MYH8: variants seen among roughly 807,000 people sequenced by gnomAD.
MYH8 encodes the protein myosin heavy chain 8, also known as myosin-8.
MYH8 carries 168 observed loss-of-function variants against 233.2 expected under a neutral mutation model. The ratio of observed to expected loss-of-function variants is 0.72; its 90% CI spans 0.64 to 0.82. The LOEUF (loss-of-function observed/expected upper bound fraction) is 0.82. Ranked by LOEUF, MYH8 falls within the 40% of genes least tolerant of loss-of-function variation. The pLI is 0.00. For missense variants in MYH8, 1,995 were observed against 2,327.8 expected, an observed-to-expected ratio of 0.86 and a Z score of 2.94; for synonymous variants, 785 against 850.6, an observed-to-expected ratio of 0.92 and a Z score of 1.34.
rs2072028935 is a variant in MYH8, at chr17:10,391,941, C to G, written c.5605G>C (p.Asp1869His). 5 of 1,614,178 alleles carry G rather than the reference C, an allele frequency of 3.1e-6. No individual in the cohort carries two copies. In the East Asian group the frequency reaches 1.1e-4, roughly 36 times the overall value. The change falls in exon 39 of 40, where the codon GAC (aspartate) becomes CAC (histidine). Residue 1869 changes from aspartate to histidine, a missense_variant. By Grantham distance (81) the Asp-to-His change is moderately conservative. Transcript: ENST00000403437. ...EDRKNVLRLQ[D>H]LVDKLQAKVK... is the part of the protein sequence containing the mutation. ...TTCGCCTGTAATTTATCTACCAAGT[C>G]CTGCAGCCTGAGAACATTCTTGCGA... is the stretch of plus-strand genomic sequence containing the variant.
chr17:10,413,445 A>T (rs188080468), intron 12 of MYH8, among the ~76,000 whole-genome samples: 11 of 152,122 alleles, frequency 7.2e-5, no homozygotes, highest in African/African-American at 2.7e-4. Context: ...CTTGCTGCCT[A>T]TATTGTCTAT....
At chr17:10,414,932 A>C (rs1436632904) in intron 9 of MYH8, among the ~76,000 whole-genome samples, 184 bp downstream of exon 9, 1 of 152,212 alleles carries the variant, frequency 6.6e-6, no homozygotes, top group African/African-American at 2.4e-5. Context: ...AGAATCATCA[A>C]GTCTGAGATT....
At chr17:10,392,276 C>T (rs1453546258) in intron 38 of MYH8, among the ~76,000 whole-genome samples, 1 of 151,396 alleles carries the variant, frequency 6.6e-6, no homozygotes, top group Admixed American at 6.6e-5. Flanking sequence ...GTTCAAGAAG[C>T]AAGAGAGGCC....
Position 10,398,537 on chromosome 17 carries a change from C to G in MYH8, c.4085G>C (p.Arg1362Thr), listed in dbSNP as rs1191430194. The G allele has an allele frequency of 9.9e-6, 16 of 1,614,170 alleles. No individual in the cohort carries two copies. The highest frequency in any genetic ancestry group is 1.4e-5 in the Non-Finnish European group (16 of 1,180,034). Residue 1362 changes from arginine (R) to threonine (T), a missense_variant, in exon 30 of 40, where the codon AGG (arginine) becomes ACG (threonine). Transcript: ENST00000403437. Reference protein sequence around the residue: ...EEQEGKAELQRALSKANSEVA... With the variant: ...EEQEGKAELQTALSKANSEVA... ...CTCACTGTTGGCCTTGGACAGCGCC[C>G]TCTGCAGCTCAGCTTTGCCTTCCTG...
In MYH8 at chr17:10,415,292, A is replaced by G; in HGVS notation, c.741T>C (p.Phe247=). The change falls in exon 8 of 40, where the codon TTT becomes TTC. Residue 247 remains phenylalanine, a splice_region_variant and synonymous_variant. Coordinates refer to ENST00000403437, the MANE Select transcript of MYH8 (RefSeq NM_002472.3). This position sits in a 1 kb window ranked among gnomAD's most constrained non-coding sequence, Gnocchi z 4.1. ...TAGGGGTTGAGACCAAGAGACTCAC[A>G]AAGCGAGAGGAGTTGTCATTCCTCA... ...KTVRNDNSSR[F]GKFIRIHFGT... 3 of 1,613,488 alleles carry G rather than the reference A, an allele frequency of 1.9e-6. No individual in the cohort carries two copies. The highest frequency in any genetic ancestry group is 2.5e-6 in the Non-Finnish European group (3 of 1,179,350).
chr17:10,404,322 G>C lies in MYH8; in HGVS notation c.2688+8C>G, dbSNP rs372371684. 29 of 1,613,644 alleles carry C rather than the reference G, an allele frequency of 1.8e-5. No homozygotes were observed. Among genetic ancestry groups the C allele is most frequent in the Non-Finnish European group, 2.5e-5 (29 of 1,179,762 alleles). On this transcript the variant is annotated splice_region_variant and intron_variant, in intron 22 of 39. Transcript: ENST00000403437. ...TAACATGGTGCATTCAGAATATGGA[G>C]TACTCACAGATTGAACCTGGAGTTG...
chr17:10,392,016 G>A (rs1597396153), intron 38 of MYH8, 39 bp from the exon 39 acceptor site: 2 of 1,533,114 alleles, frequency 1.3e-6, no homozygotes, highest in East Asian at 4.5e-5. Flanking sequence ...TCATTCCGAA[G>A]AGATAAGGCT....
At chr17:10,399,069 T>C (rs2072108883) in intron 28 of MYH8, among the ~76,000 whole-genome samples, 183 bp from the exon 29 acceptor site, 1 of 151,138 alleles carries the variant, frequency 6.6e-6, no homozygotes, top group East Asian at 1.9e-4. Flanking sequence ...GTGTTTCAGA[T>C]TTCAGATTTT....
chr17:10,420,143 C>A lies in MYH8; in HGVS notation c.85G>T (p.Ala29Ser), dbSNP rs2072323998. 5 of 1,614,208 alleles carry A rather than the reference C, an allele frequency of 3.1e-6. No homozygotes were observed. Among genetic ancestry groups the A allele is most frequent in the Non-Finnish European group, 4.2e-6 (5 of 1,180,050 alleles). Residue 29 changes from alanine to serine, a missense_variant, in exon 3 of 40, where the codon GCC (alanine) becomes TCC (serine). Coordinates refer to ENST00000403437, the MANE Select transcript of MYH8 (RefSeq NM_002472.3). ...TTAGCATCAAACGGCTTGTTTTGGG[C>A]CTCAATCCGCTCCTTTTCTGATTTT... ...LRKSEKERIE[A>S]QNKPFDAKTS...
rs764256012 is a variant in MYH8, at chr17:10,393,172, A to G, written c.5205T>C (p.Asn1735=). ...SLINTKKKLE[N]DVSQLQSEVE... ...CTTCACTTTGGAGTTGGGAAACGTC[A>G]TTTTCTAATTTCTTCTTGGTGTTAA... Residue 1735 remains asparagine, a synonymous_variant, in exon 36 of 40, where the codon AAT becomes AAC. Transcript: ENST00000403437. The G allele has an allele frequency of 2.5e-6, 4 of 1,614,004 alleles. No homozygotes were observed. Among genetic ancestry groups the G allele is most frequent in the Non-Finnish European group, 3.4e-6 (4 of 1,179,988 alleles).
chr17:10,392,201 A>C (rs932417996), intron 38 of MYH8, among the ~76,000 whole-genome samples: 5 of 152,188 alleles, frequency 3.3e-5, no homozygotes, highest in Non-Finnish European at 7.3e-5. Flanking sequence ...TTACCTCCCC[A>C]TCCGGGAAAA....
chr17:10,401,510 C>A (rs976542115), intron 23 of MYH8, 33 bp downstream of exon 23: 7 of 1,614,040 alleles, frequency 4.3e-6, no homozygotes, highest in Non-Finnish European at 5.9e-6. Flanking sequence ...GGTGGCAGAA[C>A]CTCTATACAG....
Position 10,419,182 on chromosome 17 carries a change from T to A in MYH8, c.211-152A>T, listed in dbSNP as rs553821138. Reference sequence around the variant, plus strand: ...AAGTGATTGTCCTGCCTCAGCCTTCTGAGTAGCTGGGATTGCAAGTGCCCA... The same window carrying A: ...AAGTGATTGTCCTGCCTCAGCCTTCAGAGTAGCTGGGATTGCAAGTGCCCA... On this transcript the variant is annotated intron_variant, in intron 3 of 39. Transcript: ENST00000403437. The surrounding 1 kb of genome is among the most constrained non-coding windows in gnomAD (Gnocchi z 4.0). 130 of 962,902 alleles carry A rather than the reference T, an allele frequency of 1.4e-4. No individual in the cohort carries two copies. In the East Asian group the frequency reaches 3.5e-3, roughly 26 times the overall value. The allele number at this position is 962,902 out of a possible 1,614,324, so 59.6% of individuals were successfully genotyped here. A position where few individuals can be genotyped will look rare whatever the true frequency, so the allele number is the denominator to read the frequency against.
At chr17:10,394,027 G>T (rs1207484682) in intron 35 of MYH8, among the ~76,000 whole-genome samples, 2 of 100,726 alleles carry the variant, frequency 2.0e-5, no homozygotes, top group South Asian at 2.9e-4. Context: ...TTTTGGTGAG[G>T]GGTAGAAACC....
At position 10,394,345 on chromosome 17, in the gene MYH8, C is replaced by T; in HGVS notation, c.5070G>A (p.Glu1690=). ...RANLLQAEIE[E]LWATLEQTER... is the part of the protein sequence containing the mutation. ...CTGTCTGTTCCAGAGTGGCCCACAG[C>T]TCCTCGATCTCAGCCTGCAGCAGGT... The change falls in exon 35 of 40, where the codon GAG becomes GAA. Residue 1690 remains glutamate (E), a synonymous_variant. Coordinates refer to ENST00000403437, the MANE Select transcript of MYH8 (RefSeq NM_002472.3). 1.9e-6 allele frequency: 3 copies of T among 1,614,110 alleles called. No individual in the cohort carries two copies. Among genetic ancestry groups the T allele is most frequent in the Non-Finnish European group, 2.5e-6 (3 of 1,180,008 alleles).
intron 21 of MYH8, 137 bp from the exon 22 acceptor site, chr17:10,404,722 G>T: frequency 7.4e-6 from 7 of 950,794 alleles, no homozygotes; most frequent in East Asian, 2.7e-5. Context: ...TTATATGCAG[G>T]CTTTACACAC....
In MYH8 at chr17:10,404,533, G is replaced by A. The variant is rs369293931; in HGVS notation, c.2485C>T (p.His829Tyr). The stretch of plus-strand genomic sequence containing the variant: ...AAAAAGAGTTTCATCCAGGGCCAGT[G>A]CTTGACGTTCATGAAGGCACGGACA... Reference protein sequence around the residue: ...YNVRAFMNVKHWPWMKLFFKI... With the variant: ...YNVRAFMNVKYWPWMKLFFKI... Residue 829 changes from histidine to tyrosine, a missense_variant, in exon 22 of 40, where the codon CAC (histidine) becomes TAC (tyrosine). Physicochemically the swap from His to Tyr is moderately conservative, Grantham distance 83. This residue lies in a region of MYH8 where 1,498 missense variants were observed against 1,680.9 expected (regional missense o/e 0.89). Transcript: ENST00000403437. 1 of 1,613,858 alleles carries A rather than the reference G, an allele frequency of 6.2e-7. No individual in the cohort carries two copies. The highest frequency in any genetic ancestry group is 8.5e-7 in the Non-Finnish European group (1 of 1,179,920).
rs1369353129 is a variant in MYH8, at chr17:10,418,994, T to G, written c.247A>C (p.Asn83His). 1 of 1,614,194 alleles carries G rather than the reference T, an allele frequency of 6.2e-7. No homozygotes were observed. The highest frequency in any genetic ancestry group is 1.7e-5 in the Admixed American group (1 of 60,030). ...TVREDQVFPM[N>H]PPKYDKIEDM... ...TCAATTTTGTCATATTTCGGAGGGT[T>G]CATAGGGAAGACTTGGTCTTCCCTG... The change falls in exon 4 of 40, where the codon AAC becomes CAC. Residue 83 changes from asparagine (N) to histidine (H), a missense_variant. Transcript: ENST00000403437.
Position 10,398,504 on chromosome 17 carries a change from T to C in MYH8, c.4118A>G (p.Gln1373Arg). The C allele has an allele frequency of 6.2e-7, 1 of 1,614,126 alleles. No individual in the cohort carries two copies. The highest frequency in any genetic ancestry group is 8.5e-7 in the Non-Finnish European group (1 of 1,179,974). Reference sequence around the variant, plus strand: ...ATCCGTCTCGTATTTGGTTCTCCACTGGGCAACCTCACTGTTGGCCTTGGA... The same window carrying C: ...ATCCGTCTCGTATTTGGTTCTCCACCGGGCAACCTCACTGTTGGCCTTGGA... Reference protein sequence around the residue: ...ALSKANSEVAQWRTKYETDAI... With the variant: ...ALSKANSEVARWRTKYETDAI... Residue 1373 changes from glutamine (Q) to arginine (R), a missense_variant, in exon 30 of 40, where the codon CAG becomes CGG. Physicochemically the swap from Gln to Arg is conservative, Grantham distance 43 (BLOSUM62 1). Around this residue, in one of 3 missense-constraint regions of MYH8, gnomAD observed 1,498 missense variants for 1,680.9 expected, o/e 0.89. Transcript: ENST00000403437.
Sources: gnomAD v4.1 joint callset for allele counts (sites outside exome capture counted in the v4.1 genomes callset) on GRCh38, gnomAD v4.1.1 for gene constraint, gnomAD v4.1.1 regional missense constraint, Gnocchi (gnomAD v3.1) non-coding constraint, MANE v1.5 for transcripts, NCBI Gene and HGNC (gene_info 2026-07-23, HGNC 2026-07-21) for gene names.